SLC44A5: variants seen among roughly 807,000 people sequenced by gnomAD.
SLC44A5 encodes the protein solute carrier family 44 member 5, also known as choline transporter-like protein 5.
In SLC44A5, 57 loss-of-function variants were observed where a neutral mutation model predicts 101.8. The ratio of observed to expected loss-of-function variants is 0.56; its 90% CI spans 0.45 to 0.70. The LOEUF is 0.70. SLC44A5 is among the 30% of genes least tolerant of loss of function. The probability of loss-of-function intolerance (pLI) is 0.00; values close to 1 mark genes in which losing one functional copy is unlikely to be tolerated. For missense variants in SLC44A5, 737 were observed against 853.1 expected, an observed-to-expected ratio of 0.86 and a Z score of 1.70; for synonymous variants, 281 against 290.9, an observed-to-expected ratio of 0.97 and a Z score of 0.35.
At chr1:75,254,041 A>G (rs893411484) in intron 6 of SLC44A5, among the ~76,000 whole-genome samples, 3 of 151,610 alleles carry the variant, frequency 2.0e-5, no homozygotes, top group African/African-American at 7.3e-5. Context: ...AGGGGACCAC[A>G]ACTTTTTTTT....
Position 75,582,492 on chromosome 1 carries a change from C to A in SLC44A5, c.-70+28548G>T. The A allele has an allele frequency of 5.1e-6, 3 of 585,850 alleles. No homozygotes were observed. In the South Asian group the frequency reaches 7.2e-5, roughly 14 times the overall value. 36.3% of individuals were successfully genotyped at this position (585,850 alleles called of 1,614,324 possible). ...ACCAAGGATCAAACCAAGGCCCAGC[C>A]TGCAGCTCCAGCTTCAATTCCAGCT... is the stretch of plus-strand genomic sequence containing the variant. On this transcript the variant is annotated intron_variant, in intron 1 of 23. Transcript: ENST00000370859.
the SLC44A5 span, among the ~76,000 whole-genome samples, chr1:75,648,880 G>T: frequency 6.6e-6 from 1 of 152,240 alleles, no homozygotes; most frequent in South Asian, 2.1e-4. Flanking sequence ...TGTCTCAAAT[G>T]GGAATTATGG....
intron 3 of SLC44A5, among the ~76,000 whole-genome samples, chr1:75,388,389 A>T (rs923015365): frequency 1.3e-5 from 2 of 152,132 alleles, no homozygotes; most frequent in Admixed American, 6.5e-5. Flanking sequence ...AGAACCTATA[A>T]AAAATAACTA....
intron 1 of SLC44A5, among the ~76,000 whole-genome samples, chr1:75,574,625 G>A (rs1673264189): frequency 6.6e-6 from 1 of 152,144 alleles, no homozygotes; most frequent in African/African-American, 2.4e-5. Flanking sequence ...ACTCCTACCA[G>A]CACCCTATAG....
chr1:75,563,694 T>C (rs185079803), intron 1 of SLC44A5, among the ~76,000 whole-genome samples: 35 of 152,240 alleles, frequency 2.3e-4, no homozygotes, highest in Admixed American at 2.1e-3. Flanking sequence ...GTGGTCTTGG[T>C]ATCAAATGTA....
intron 4 of SLC44A5, among the ~76,000 whole-genome samples, chr1:75,318,112 C>T (rs1206957392): frequency 6.6e-6 from 1 of 152,152 alleles, no homozygotes; most frequent in Admixed American, 6.6e-5. Context: ...CTCAGTGGCT[C>T]ATGCCTGTAA....
intron 12 of SLC44A5, among the ~76,000 whole-genome samples, chr1:75,229,151 A>G (rs578035221): frequency 7.9e-5 from 12 of 152,122 alleles, no homozygotes; most frequent in African/African-American, 2.9e-4. Flanking sequence ...AAATAAAAGC[A>G]TGTATGGCCA....
At chr1:75,478,843 G>A (rs1346449858) in intron 2 of SLC44A5, among the ~76,000 whole-genome samples, 1 of 152,100 alleles carries the variant, frequency 6.6e-6, no homozygotes, top group Non-Finnish European at 1.5e-5. Context: ...ACAGATCAAT[G>A]AGACAGAAAG....
intron 4 of SLC44A5, among the ~76,000 whole-genome samples, chr1:75,337,789 G>A (rs1362242091): frequency 6.6e-6 from 1 of 152,240 alleles, no homozygotes; most frequent in East Asian, 1.9e-4. Context: ...GTGGTGACTA[G>A]GCACAAAATG....
Position 75,418,890 on chromosome 1 carries a change from G to GA in SLC44A5, c.14-22270dup, listed in dbSNP as rs770068985. ...CCTGCTATAAATAACTAGAAAACCA[G>GA]AAAAAAAATAAAATACAACAGTTTT... is the stretch of plus-strand genomic sequence containing the variant. On this transcript the variant is annotated intron_variant, in intron 2 of 23. Coordinates refer to ENST00000370859, the MANE Select transcript of SLC44A5 (RefSeq NM_001130058.2). Among the ~76,000 whole-genome samples the GA allele has an allele frequency of 1.9e-3, 294 of 151,824 alleles. 2 individuals carry two copies. Among genetic ancestry groups the GA allele is most frequent in the Non-Finnish European group, 3.1e-3 (213 of 67,878 alleles).
At chr1:75,550,553 T>A (rs1157653759) in intron 1 of SLC44A5, among the ~76,000 whole-genome samples, 1 of 151,990 alleles carries the variant, frequency 6.6e-6, no homozygotes, top group Non-Finnish European at 1.5e-5. Context: ...TTTTACATTA[T>A]GAAAATTTTA....
At chr1:75,357,214 G>A (rs1015786901) in intron 3 of SLC44A5, 2 of 455,772 alleles carry the variant, frequency 4.4e-6, no homozygotes, top group African/African-American at 2.0e-5. Context: ...AGTTGCTGGT[G>A]TCTTTCCAAC....
intron 2 of SLC44A5, among the ~76,000 whole-genome samples, chr1:75,404,208 C>A (rs1251387511): frequency 6.6e-6 from 1 of 152,006 alleles, no homozygotes; most frequent in Non-Finnish European, 1.5e-5. Flanking sequence ...TGTGAAAAGA[C>A]CAACCTACGT....
intron 4 of SLC44A5, among the ~76,000 whole-genome samples, chr1:75,310,226 T>C (rs1655195441): frequency 6.6e-6 from 1 of 152,194 alleles, no homozygotes; most frequent in Non-Finnish European, 1.5e-5. Context: ...CAACAGGAAG[T>C]GCTGCAGTTG....
intron 12 of SLC44A5, among the ~76,000 whole-genome samples, chr1:75,230,367 C>G (rs1431429757): frequency 6.6e-6 from 1 of 151,556 alleles, no homozygotes; most frequent in Admixed American, 6.6e-5. Context: ...CGTGCCTCAG[C>G]CTCCCGAGTA....
At chr1:75,516,780 T>C (rs529911179) in intron 2 of SLC44A5, among the ~76,000 whole-genome samples, 2 of 152,300 alleles carry the variant, frequency 1.3e-5, no homozygotes, top group South Asian at 4.1e-4. Flanking sequence ...CATCTCTTCC[T>C]GCAAGCTGGG....
intron 3 of SLC44A5, among the ~76,000 whole-genome samples, chr1:75,354,245 T>G (rs1329059038): frequency 6.6e-6 from 1 of 152,120 alleles, no homozygotes; most frequent in Non-Finnish European, 1.5e-5. Flanking sequence ...TGTGTGCAGG[T>G]GGGTGTTCTA....
At chr1:75,289,470 A>G (rs1324247188) in intron 5 of SLC44A5, among the ~76,000 whole-genome samples, 1 of 152,180 alleles carries the variant, frequency 6.6e-6, no homozygotes, top group Non-Finnish European at 1.5e-5. Context: ...TTGGTCCATC[A>G]AGCCTAGAGG....
At chr1:75,523,479 A>T (rs1336548238) in intron 2 of SLC44A5, among the ~76,000 whole-genome samples, 2 of 145,090 alleles carry the variant, frequency 1.4e-5, no homozygotes, top group East Asian at 2.0e-4. Context: ...CGCCCAGCTA[A>T]TTTTTTTTTT....
Sources: allele counts gnomAD v4.1 joint callset (sites outside exome capture counted in the v4.1 genomes callset), GRCh38; gene constraint gnomAD v4.1.1; transcripts MANE v1.5; gene names NCBI Gene and HGNC (gene_info 2026-07-23, HGNC 2026-07-21).